Variants in XRCC4 observed in about 807,000 individuals in gnomAD.
XRCC4 encodes the protein X-ray repair cross complementing 4.
XRCC4 carries 28 observed loss-of-function variants against 39.1 expected under a neutral mutation model. The ratio of observed to expected loss-of-function variants is 0.72; its 90% confidence interval spans 0.53 to 0.98. The LOEUF (loss-of-function observed/expected upper bound fraction) is 0.98. Among genes scored for constraint, XRCC4 ranks in the 50% least tolerant of loss-of-function variants. The probability of loss-of-function intolerance (pLI) is 0.00; values close to 1 mark genes in which losing one functional copy is unlikely to be tolerated. For synonymous variants in XRCC4, 123 were observed against 126.4 expected (o/e 0.97, Z 0.18); for missense variants, 350 against 376.4 (o/e 0.93, Z 0.58).
intron 6 of XRCC4, among the ~76,000 whole-genome samples, chr5:83,217,033 A>G (rs1358110405): frequency 1.3e-5 from 2 of 151,500 alleles, no homozygotes; most frequent in East Asian, 1.9e-4. Context: ...TCATCTTGAG[A>G]TATTTCAAAA....
intron 3 of XRCC4, among the ~76,000 whole-genome samples, chr5:83,190,856 T>G (rs991164078): frequency 1.3e-5 from 2 of 152,342 alleles, no homozygotes; most frequent in African/African-American, 4.8e-5. Flanking sequence ...TAGCATTAAG[T>G]GCTATTAAGC....
intron 6 of XRCC4, among the ~76,000 whole-genome samples, chr5:83,236,935 T>C (rs1379411150): frequency 6.6e-6 from 1 of 151,114 alleles, no homozygotes; most frequent in Non-Finnish European, 1.5e-5. Context: ...AAATAAGACA[T>C]ACAAATGGCC....
chr5:83,130,386 A>AT (rs1561348183), intron 3 of XRCC4, among the ~76,000 whole-genome samples: 2 of 151,968 alleles, frequency 1.3e-5, no homozygotes, highest in East Asian at 3.9e-4. Flanking sequence ...TTTATTGAGG[A>AT]TTTTTGCATC....
intron 6 of XRCC4, among the ~76,000 whole-genome samples, chr5:83,227,464 TAA>T (rs1752334098): frequency 1.3e-5 from 2 of 152,246 alleles, no homozygotes; most frequent in South Asian, 2.1e-4. Flanking sequence ...AGTTATATAC[TAA>T]ACAGGACTAT....
intron 6 of XRCC4, among the ~76,000 whole-genome samples, chr5:83,220,295 G>A (rs1358320271): frequency 6.6e-6 from 1 of 152,122 alleles, no homozygotes; most frequent in African/African-American, 2.4e-5. Flanking sequence ...TGATGTGAAT[G>A]CAGCAACAAT....
At chr5:83,162,703 G>T (rs2731860) in intron 3 of XRCC4, among the ~76,000 whole-genome samples, 139,453 of 151,794 alleles carry the variant, frequency 0.92, 64,179 homozygotes, top group African/African-American at 0.96. Flanking sequence ...CTTAAAGTTC[G>T]TGGGTTTCTA....
At chr5:83,103,616 C>A (rs1746059715) in intron 1 of XRCC4, among the ~76,000 whole-genome samples, 2 of 152,144 alleles carry the variant, frequency 1.3e-5, no homozygotes, top group Non-Finnish European at 2.9e-5. Flanking sequence ...TTTCTGCCAG[C>A]AGTATTTGTA....
chr5:83,222,973 C>A (rs934505772), intron 6 of XRCC4, among the ~76,000 whole-genome samples: 1 of 152,056 alleles, frequency 6.6e-6, no homozygotes, highest in Non-Finnish European at 1.5e-5. Context: ...GTCTTGAGTT[C>A]CTGAGTTCAA....
intron 3 of XRCC4, among the ~76,000 whole-genome samples, chr5:83,144,603 T>C (rs1398961613): frequency 1.7e-5 from 2 of 119,732 alleles, no homozygotes; most frequent in Non-Finnish European, 3.2e-5. Context: ...AATCTATGAA[T>C]GTATGTCTTT....
intron 3 of XRCC4, among the ~76,000 whole-genome samples, chr5:83,119,533 T>C (rs979822298): frequency 7.2e-5 from 11 of 152,228 alleles, no homozygotes; most frequent in African/African-American, 2.7e-4. Flanking sequence ...TGTTTAGTTA[T>C]ACTGTTTTTT....
At chr5:83,124,030 T>C (rs1747139373) in intron 3 of XRCC4, among the ~76,000 whole-genome samples, 1 of 152,166 alleles carries the variant, frequency 6.6e-6, no homozygotes, top group Admixed American at 6.6e-5. Context: ...TATATAACTG[T>C]AGTACATTAT....
intron 6 of XRCC4, among the ~76,000 whole-genome samples, chr5:83,224,811 C>T (rs1006415826): frequency 1.3e-5 from 2 of 152,078 alleles, no homozygotes; most frequent in African/African-American, 2.4e-5. Flanking sequence ...TGTATGATTT[C>T]CATGTGGCAC....
At chr5:83,092,226 C>G (rs905389504) in intron 1 of XRCC4, among the ~76,000 whole-genome samples, 1 of 152,068 alleles carries the variant, frequency 6.6e-6, no homozygotes, top group Non-Finnish European at 1.5e-5. Flanking sequence ...TTCTATAGAG[C>G]TGTTTGATTT....
At chr5:83,158,122 A>G (rs1749046229) in intron 3 of XRCC4, among the ~76,000 whole-genome samples, 1 of 152,098 alleles carries the variant, frequency 6.6e-6, no homozygotes, top group African/African-American at 2.4e-5. Context: ...AATAATTTGA[A>G]AAAAGCTAGT....
chr5:83,141,840 G>T (rs1365294151), intron 3 of XRCC4, among the ~76,000 whole-genome samples: 1 of 109,032 alleles, frequency 9.2e-6, no homozygotes, highest in Non-Finnish European at 1.9e-5. Context: ...TCTGAATCTT[G>T]TACAAAAAAA....
intron 4 of XRCC4, among the ~76,000 whole-genome samples, chr5:83,202,544 T>A (rs2112724716): frequency 6.6e-6 from 1 of 152,298 alleles, no homozygotes; most frequent in South Asian, 2.1e-4. Flanking sequence ...TGGACATTTG[T>A]GTTTCTAATT....
At chr5:83,249,565 C>A (rs963727738) in intron 6 of XRCC4, among the ~76,000 whole-genome samples, 1 of 152,028 alleles carries the variant, frequency 6.6e-6, no homozygotes, top group Non-Finnish European at 1.5e-5. Context: ...AAAATTATTC[C>A]AGAGTTTTCT....
intron 7 of XRCC4, among the ~76,000 whole-genome samples, chr5:83,312,565 C>T (rs879723901): frequency 6.6e-6 from 1 of 152,110 alleles, no homozygotes; most frequent in Non-Finnish European, 1.5e-5. Flanking sequence ...CTGATACCTG[C>T]ATAGGGTTAA....
chr5:83,082,176 C>G (rs1396227851), intron 1 of XRCC4, among the ~76,000 whole-genome samples: 1 of 152,164 alleles, frequency 6.6e-6, no homozygotes, highest in Non-Finnish European at 1.5e-5. Context: ...GTTCTCTCTG[C>G]TTTTTTCAGT....
Sources: allele counts gnomAD v4.1 joint callset (sites outside exome capture counted in the v4.1 genomes callset), GRCh38; gene constraint gnomAD v4.1.1; transcripts MANE v1.5; gene names NCBI Gene and HGNC (gene_info 2026-07-23, HGNC 2026-07-21).